The following ARMC6 variants were observed in gnomAD, a reference collection of about 807,000 sequenced individuals.
The protein encoded by ARMC6 is armadillo repeat-containing protein 6.
ARMC6 carries 43 observed loss-of-function variants against 49.2 expected under a neutral mutation model. The observed-to-expected ratio is 0.87, with a 90% CI of 0.69 to 1.13. The LOEUF (loss-of-function observed/expected upper bound fraction) is 1.13. Ranked by LOEUF, ARMC6 falls within the 50% of genes most tolerant of loss-of-function variation. The probability of loss-of-function intolerance (pLI) is 0.00; values close to 1 mark genes in which losing one functional copy is unlikely to be tolerated. For missense variants in ARMC6, 627 were observed against 682.0 expected (o/e 0.92, Z 0.90); for synonymous variants, 262 against 289.6 (o/e 0.90, Z 0.97).
intron 8 of ARMC6, among the ~76,000 whole-genome samples, chr19:19,056,263 G>GT (rs533708367): frequency 0.054 from 7,326 of 134,536 alleles, 690 homozygotes; most frequent in African/African-American, 0.18. Context: ...CCTTCTGTGG[G>GT]TTTTTTTTTT....
At chr19:19,041,182 G>T (rs544241694) in intron 2 of ARMC6, among the ~76,000 whole-genome samples, 52 of 152,110 alleles carry the variant, frequency 3.4e-4, no homozygotes, top group African/African-American at 1.1e-3. Flanking sequence ...TGGTGTTAGA[G>T]GTATTCAGTG....
chr19:19,034,355 A>G (rs552275463), intron 2 of ARMC6, 117 bp downstream of exon 2: 124 of 1,319,724 alleles, frequency 9.4e-5, no homozygotes, highest in Non-Finnish European at 1.2e-4. Flanking sequence ...AAGGCGGGGA[A>G]GAGGAACTTG....
rs11270900 is a variant in ARMC6, at chr19:19,045,493, C to CTTTTTTTTTTTTTTTTTTTTTTTTTTT, written c.279+1430_279+1431insTTTTTTTTTTTTTTTTTTTTTTTTTTT. On this transcript the variant is annotated intron_variant, in intron 4 of 8. Transcript: ENST00000535612. ...TAAGTGCTCAGCATTATGCTAAATT[C>CTTTTTTTTTTTTTTTTTTTTTTTTTTT]TTTTTTTTTTTGAGACAAGAGTCTC... Among the ~76,000 whole-genome samples, 15 of 89,126 alleles carry CTTTTTTTTTTTTTTTTTTTTTTTTTTT rather than the reference C, an allele frequency of 1.7e-4. 5 individuals are homozygous for CTTTTTTTTTTTTTTTTTTTTTTTTTTT. Among genetic ancestry groups the CTTTTTTTTTTTTTTTTTTTTTTTTTTT allele is most frequent in the African/African-American group, 4.8e-4 (10 of 20,900 alleles). 58.5% of individuals were successfully genotyped at this position (89,126 alleles called of 152,430 possible). A position where few individuals can be genotyped will look rare whatever the true frequency, so the allele number is the denominator to read the frequency against.
chr19:19,038,898 T>TACACACACACACACACACACACACACAC (rs35676976), intron 2 of ARMC6, among the ~76,000 whole-genome samples: 1 of 147,310 alleles, frequency 6.8e-6, no homozygotes. Flanking sequence ...TTTGTGTGTA[T>TACACACACACACACACACACACACACAC]ACACACACAC....
Position 19,055,430 on chromosome 19 carries a change from G to C in ARMC6, c.1155+34G>C. The stretch of plus-strand genomic sequence containing the variant: ...CTCGGGGGGCACACACAGTAGCAGG[G>C]TGGTGGCTGGAGTCCCAGTTCAGTT... On this transcript the variant is annotated intron_variant, in intron 7 of 8. Coordinates refer to ENST00000535612, the MANE Select transcript of ARMC6 (RefSeq NM_001199196.2). The surrounding 1 kb of genome is among the most constrained non-coding windows in gnomAD (Gnocchi z 5.7). The C allele has an allele frequency of 6.4e-7, 1 of 1,557,304 alleles. No homozygotes were observed. The highest frequency in any genetic ancestry group is 8.7e-7 in the Non-Finnish European group (1 of 1,151,628).
At chr19:19,039,819 G>A (rs1407839208) in intron 2 of ARMC6, among the ~76,000 whole-genome samples, 1 of 152,078 alleles carries the variant, frequency 6.6e-6, no homozygotes, top group East Asian at 1.9e-4. Flanking sequence ...CTTTGTTCTT[G>A]TGATTTATTT....
rs374945143 is a variant in ARMC6, at chr19:19,055,338, G to T, written c.1097G>T (p.Arg366Leu). ...GNDDVKDAIVRAGGTESIVAA... is the reference protein window; with the variant it reads ...GNDDVKDAIVLAGGTESIVAA... The stretch of plus-strand genomic sequence containing the variant: ...GACGACGTGAAAGATGCTATTGTCC[G>T]TGCTGGTGGGACGGAGTCCATCGTG... The change falls in exon 7 of 9, where the codon CGT (arginine) becomes CTT (leucine). Residue 366 changes from arginine (R) to leucine (L), a missense_variant. Coordinates refer to ENST00000535612, the MANE Select transcript of ARMC6 (RefSeq NM_001199196.2). The surrounding 1 kb of genome is among the most constrained non-coding windows in gnomAD (Gnocchi z 5.7). The T allele has an allele frequency of 1.4e-5, 22 of 1,613,330 alleles. No homozygotes were observed. The highest frequency in any genetic ancestry group is 1.6e-4 in the Middle Eastern group (1 of 6,080).
At chr19:19,034,794 G>A (rs1166009712) in intron 2 of ARMC6, among the ~76,000 whole-genome samples, 2 of 150,718 alleles carry the variant, frequency 1.3e-5, no homozygotes, top group East Asian at 2.0e-4. Flanking sequence ...GAGTCAAAAG[G>A]AGTTCAAGCG....
chr19:19,045,592 A>G (rs867732532), intron 4 of ARMC6, among the ~76,000 whole-genome samples: 37 of 145,472 alleles, frequency 2.5e-4, no homozygotes, highest in African/African-American at 8.6e-4. Flanking sequence ...GGTTCAAGCA[A>G]TTCTCCTGCC....
intron 8 of ARMC6, among the ~76,000 whole-genome samples, chr19:19,056,138 T>C (rs1332778827): frequency 2.0e-5 from 3 of 152,200 alleles, no homozygotes; most frequent in Non-Finnish European, 4.4e-5. Context: ...TCTGCCTTCA[T>C]TTGCCTCCTT....
intron 4 of ARMC6, among the ~76,000 whole-genome samples, chr19:19,045,865 A>G (rs1433769822): frequency 6.6e-6 from 1 of 152,062 alleles, no homozygotes; most frequent in Non-Finnish European, 1.5e-5. Context: ...GTTAGCCAGG[A>G]TGGTCTCCAT....
In ARMC6 at chr19:19,042,883, G is replaced by T. The variant is rs749443096; in HGVS notation, c.196+6G>T. ...GGAGCAGTTTGAATCGCAAGGTAGG[G>T]TGGTGTGACTGTCACCTACCATCCT... On this transcript the variant is annotated splice_donor_region_variant and intron_variant, in intron 3 of 8. Transcript: ENST00000535612. 6.2e-7 allele frequency: 1 copy of T among 1,613,534 alleles called. No homozygotes were observed.
chr19:19,057,469 G>T lies in ARMC6; in HGVS notation c.1347G>T (p.Ser449=), dbSNP rs767749400. The change falls in exon 9 of 9, where the codon TCG becomes TCT. Residue 449 remains serine (S), a synonymous_variant. Coordinates refer to ENST00000535612, the MANE Select transcript of ARMC6 (RefSeq NM_001199196.2). The part of the protein sequence containing the change: ...RNLVAHGQAF[S]KPILDLGAEA... The stretch of plus-strand genomic sequence containing the variant: ...TGGTGGCCCACGGCCAGGCCTTCTC[G>T]AAGCCCATCCTGGACCTGGGGGCTG... 5 of 1,613,880 alleles carry T rather than the reference G, an allele frequency of 3.1e-6. No homozygotes were observed. The South Asian group carries it at 5.5e-5, about 18-fold the overall frequency.
At chr19:19,044,158 C>A in intron 4 of ARMC6, 84 bp downstream of exon 4, 1 of 1,379,352 alleles carries the variant, frequency 7.2e-7, no homozygotes, top group Non-Finnish European at 1.0e-6. Context: ...TGGCAGAATA[C>A]AGGCTCTGAA....
At chr19:19,041,766 TACTC>T (rs371937472) in intron 2 of ARMC6, among the ~76,000 whole-genome samples, 61 of 152,362 alleles carry the variant, frequency 4.0e-4, no homozygotes, top group African/African-American at 1.4e-3. Flanking sequence ...GATTGTGAAA[TACTC>T]ACCTCAATCA....
In ARMC6 at chr19:19,038,458, T is replaced by C. The variant is rs536699205; in HGVS notation, c.29+4220T>C. On this transcript the variant is annotated intron_variant, in intron 2 of 8. Coordinates refer to ENST00000535612, the MANE Select transcript of ARMC6 (RefSeq NM_001199196.2). ...TACCAAGAGTTTTATCTTACTTAAC[T>C]CTATGTCTTGTTCCCACCTGTCAGA... Among the ~76,000 whole-genome samples, 9 of 152,324 alleles carry C rather than the reference T, an allele frequency of 5.9e-5. No individual in the cohort carries two copies. In the East Asian group the frequency reaches 1.3e-3, roughly 23 times the overall value.
At chr19:19,045,539 G>A (rs1346870744) in intron 4 of ARMC6, among the ~76,000 whole-genome samples, 1 of 116,358 alleles carries the variant, frequency 8.6e-6, no homozygotes, top group Non-Finnish European at 1.6e-5. Context: ...CCAGGCTGGA[G>A]TACACTGGCG....
At chr19:19,039,421 G>A (rs1226466125) in intron 2 of ARMC6, 2 of 449,874 alleles carry the variant, frequency 4.4e-6, no homozygotes, top group Non-Finnish European at 8.9e-6. Context: ...ACAGGTGTGA[G>A]CCACCATGCC....
intron 2 of ARMC6, among the ~76,000 whole-genome samples, chr19:19,034,577 C>T (rs956081895): frequency 6.6e-6 from 1 of 151,980 alleles, no homozygotes; most frequent in Non-Finnish European, 1.5e-5. Flanking sequence ...GAGTCCCCAG[C>T]ATGTCATGGC....
Sources: gnomAD v4.1 joint callset for allele counts (sites outside exome capture counted in the v4.1 genomes callset) on GRCh38, gnomAD v4.1.1 for gene constraint, Gnocchi (gnomAD v3.1) non-coding constraint, MANE v1.5 for transcripts, NCBI Gene and HGNC (gene_info 2026-07-23, HGNC 2026-07-21) for gene names.